PALM2AKAP2: variants seen among roughly 807,000 people sequenced by gnomAD.
PALM2AKAP2 encodes the protein PALM2 and AKAP2 fusion, also known as PALM2-AKAP2 fusion protein.
In PALM2AKAP2, 37 loss-of-function variants were observed where a neutral mutation model predicts 71.5. That is an observed-to-expected ratio of 0.52 (90% confidence interval 0.40 to 0.68). PALM2AKAP2 has a LOEUF of 0.68. Among genes scored for constraint, PALM2AKAP2 ranks in the 30% least tolerant of loss-of-function variants. PALM2AKAP2 has a pLI of 0.00. For missense variants in PALM2AKAP2, 1,224 were observed against 1,191.8 expected (o/e 1.03, Z -0.40); for synonymous variants, 468 against 478.8 (o/e 0.98, Z 0.29).
exon 2 of PALM2AKAP2, chr9:110,138,416 C>G: frequency 6.2e-7 from 1 of 1,614,210 alleles, no homozygotes; most frequent in Non-Finnish European, 8.5e-7. Flanking sequence ...GGAAGAGATC[C>G]GAGCAGCTCA....
At chr9:110,129,312 A>T (rs1010545496) in intron 1 of PALM2AKAP2, among the ~76,000 whole-genome samples, 3 of 152,214 alleles carry the variant, frequency 2.0e-5, no homozygotes, top group Non-Finnish European at 4.4e-5. Flanking sequence ...CAAGCAAAAG[A>T]TCAACCAAAA....
At position 109,796,268 on chromosome 9, in the gene PALM2AKAP2, TTTGA is replaced by T. The variant is rs532943754; in HGVS notation, c.45+15745_45+15748del. 2.3e-3 allele frequency among the ~76,000 whole-genome samples: 343 copies of T among 152,360 alleles called. 2 individuals are homozygous for T. The highest frequency in any genetic ancestry group is 8.0e-3 in the African/African-American group (331 of 41,590). ...TAGAAAACTGTGATAGATAATGTGC[TTTGA>T]TTGATTGATGTACAGTCAGCAAAAT... On this transcript the variant is annotated intron_variant, in intron 1 of 9. Coordinates refer to the PALM2AKAP2 transcript ENST00000302798.
At chr9:110,081,676 C>G (rs1834452370) in intron 1 of PALM2AKAP2, among the ~76,000 whole-genome samples, 1 of 152,120 alleles carries the variant, frequency 6.6e-6, no homozygotes, top group South Asian at 2.1e-4. Context: ...CACCAGGCCT[C>G]ATGCTCCAGT....
intron 1 of PALM2AKAP2, among the ~76,000 whole-genome samples, chr9:109,709,430 T>A (rs1285161190): frequency 6.6e-6 from 1 of 152,222 alleles, no homozygotes; most frequent in Non-Finnish European, 1.5e-5. Flanking sequence ...GGATGCTGCT[T>A]GCTCACCTGG....
intron 1 of PALM2AKAP2, among the ~76,000 whole-genome samples, chr9:110,052,901 G>A (rs1833739898): frequency 6.6e-6 from 1 of 152,204 alleles, no homozygotes; most frequent in Admixed American, 6.5e-5. Context: ...TAGCTTTTTA[G>A]AAAACTGAAA....
At chr9:109,852,058 G>T (rs1564180141) in intron 1 of PALM2AKAP2, among the ~76,000 whole-genome samples, 2 of 151,998 alleles carry the variant, frequency 1.3e-5, no homozygotes, top group African/African-American at 4.8e-5. Flanking sequence ...AAACTCTGAA[G>T]CCAGATGATC....
intron 6 of PALM2AKAP2, among the ~76,000 whole-genome samples, chr9:110,010,623 A>T (rs999577399): frequency 6.8e-6 from 1 of 147,824 alleles, no homozygotes; most frequent in African/African-American, 2.5e-5. Context: ...TATTCTATTT[A>T]TATATTCTAT....
intron 1 of PALM2AKAP2, among the ~76,000 whole-genome samples, chr9:110,101,034 G>A (rs1022045951): frequency 6.6e-6 from 1 of 152,172 alleles, no homozygotes; most frequent in Non-Finnish European, 1.5e-5. Context: ...TAGGATAAAT[G>A]TGAATAGAGA....
chr9:109,964,614 C>T (rs565945809), intron 6 of PALM2AKAP2, among the ~76,000 whole-genome samples: 3 of 152,332 alleles, frequency 2.0e-5, no homozygotes, highest in Admixed American at 1.3e-4. Flanking sequence ...ACTGGTCACA[C>T]TGGGGAGGCT....
rs144264256 is a variant in PALM2AKAP2, at chr9:109,908,441, T to C, written c.258-15294T>C. 9.8e-5 allele frequency among the ~76,000 whole-genome samples: 15 copies of C among 152,308 alleles called. No individual in the cohort carries two copies. The East Asian group carries it at 2.9e-3, about 29-fold the overall frequency. Reference sequence around the variant, plus strand: ...GGGTTTGAATCCCAGCTCTGCCACTTACTGGTGGAAGGTCATAAGTTGCTT... The same window carrying C: ...GGGTTTGAATCCCAGCTCTGCCACTCACTGGTGGAAGGTCATAAGTTGCTT... On this transcript the variant is annotated intron_variant, in intron 3 of 9. Coordinates refer to the PALM2AKAP2 transcript ENST00000302798.
intron 1 of PALM2AKAP2, among the ~76,000 whole-genome samples, chr9:109,780,823 C>G (rs900224093): frequency 6.6e-6 from 1 of 152,076 alleles, no homozygotes; most frequent in Non-Finnish European, 1.5e-5. Flanking sequence ...GGTGGGGGGA[C>G]GACTCCAGGA....
At position 109,642,946 on chromosome 9, in the gene PALM2AKAP2, C is replaced by T. The variant is rs1827092430; in HGVS notation, c.5+2080C>T. ...AGAGGTGGTAGGAAGTCTTGATGAG[C>T]CCAGGAGTTTGAGAATGCGCTGAGC... is the stretch of plus-strand genomic sequence containing the variant. On this transcript the variant is annotated intron_variant, in intron 1 of 6. Coordinates refer to the PALM2AKAP2 transcript ENST00000374531. 2.0e-5 allele frequency among the ~76,000 whole-genome samples: 3 copies of T among 150,974 alleles called. No homozygotes were observed. The South Asian group carries it at 6.3e-4, about 32-fold the overall frequency.
intron 1 of PALM2AKAP2, among the ~76,000 whole-genome samples, chr9:110,128,741 TGTGAACACA>T (rs1326344453): frequency 5.9e-5 from 9 of 152,224 alleles, no homozygotes; most frequent in Admixed American, 5.9e-4. Flanking sequence ...GAGGGGAGGC[TGTGAACACA>T]GTGAACATTG....
chr9:109,841,325 T>C (rs1156843354), intron 1 of PALM2AKAP2, among the ~76,000 whole-genome samples: 1 of 146,262 alleles, frequency 6.8e-6, no homozygotes, highest in Non-Finnish European at 1.5e-5. Context: ...ATGAGAACAC[T>C]TGGACACAGG....
intron 6 of PALM2AKAP2, among the ~76,000 whole-genome samples, chr9:109,953,196 C>A (rs1327420490): frequency 6.6e-6 from 1 of 152,154 alleles, no homozygotes; most frequent in Non-Finnish European, 1.5e-5. Flanking sequence ...GGGATTATAT[C>A]TCATCATGGA....
intron 6 of PALM2AKAP2, among the ~76,000 whole-genome samples, chr9:109,990,199 G>A (rs751096755): frequency 9.3e-5 from 14 of 150,640 alleles, no homozygotes; most frequent in African/African-American, 1.5e-4. Context: ...AGCCTCCCAC[G>A]TAACTGGGGT....
intron 6 of PALM2AKAP2, among the ~76,000 whole-genome samples, chr9:110,005,469 G>T (rs947698728): frequency 6.6e-6 from 1 of 152,214 alleles, no homozygotes; most frequent in Non-Finnish European, 1.5e-5. Flanking sequence ...GCTACTCGGG[G>T]GTCAGGGACC....
intron 1 of PALM2AKAP2, among the ~76,000 whole-genome samples, chr9:110,099,227 T>C (rs1343554232): frequency 6.6e-6 from 1 of 152,226 alleles, no homozygotes; most frequent in Non-Finnish European, 1.5e-5. Context: ...TCCTACGGAA[T>C]CAATTTCTGT....
chr9:110,011,148 A>G (rs1832879994), intron 6 of PALM2AKAP2, among the ~76,000 whole-genome samples: 1 of 146,130 alleles, frequency 6.8e-6, no homozygotes, highest in South Asian at 2.1e-4. Flanking sequence ...ATATATGTGG[A>G]GAATATGTGT....
Sources: gnomAD v4.1 joint callset for allele counts (sites outside exome capture counted in the v4.1 genomes callset) on GRCh38, gnomAD v4.1.1 for gene constraint, MANE v1.5 for transcripts, NCBI Gene and HGNC (gene_info 2026-07-23, HGNC 2026-07-21) for gene names.